LRTM1: variants seen among roughly 807,000 people sequenced by gnomAD.
LRTM1 encodes the protein leucine rich repeat transmembrane protein 1.
A neutral mutation model predicts 32.4 loss-of-function variants in LRTM1; 38 were observed. That is an observed-to-expected ratio of 1.17 (90% confidence interval 0.91 to 1.54). The LOEUF is 1.54. LRTM1 is among the 40% of genes most tolerant of loss of function. LRTM1 has a pLI of 0.00. For synonymous variants in LRTM1, 186 were observed against 169.9 expected (o/e 1.09, Z -0.74); for missense variants, 466 against 415.4 (o/e 1.12, Z -1.06).
At chr3:54,942,213 T>A (rs1449482376) in intron 1 of LRTM1, among the ~76,000 whole-genome samples, 1 of 152,172 alleles carries the variant, frequency 6.6e-6, no homozygotes, top group Non-Finnish European at 1.5e-5. Flanking sequence ...GGTGTGTCAG[T>A]GCTTTTAACG....
chr3:54,921,408 TTAGTG>T (rs1383492997), intron 2 of LRTM1, among the ~76,000 whole-genome samples: 1 of 152,134 alleles, frequency 6.6e-6, no homozygotes, highest in Non-Finnish European at 1.5e-5. Flanking sequence ...GAGTAAATGT[TTAGTG>T]AAGTGAAGAT....
intron 1 of LRTM1, 23 bp downstream of exon 1, chr3:54,927,882 A>G (rs749922105): frequency 6.2e-7 from 1 of 1,613,498 alleles, no homozygotes; most frequent in South Asian, 1.1e-5. Context: ...GAACTTTTCC[A>G]ACGGGAATTG....
intron 1 of LRTM1, among the ~76,000 whole-genome samples, chr3:54,952,371 C>T (rs1387215314): frequency 6.6e-6 from 1 of 152,114 alleles, no homozygotes; most frequent in Non-Finnish European, 1.5e-5. Context: ...CAGAGGGAGG[C>T]CGCAAACATG....
chr3:54,937,966 TA>T (rs942303697), intron 1 of LRTM1, among the ~76,000 whole-genome samples: 1 of 152,186 alleles, frequency 6.6e-6, no homozygotes, highest in Non-Finnish European at 1.5e-5. Context: ...CATCTGACCA[TA>T]ACCAGAGAAA....
chr3:54,949,917 G>T (rs111993202), intron 1 of LRTM1, among the ~76,000 whole-genome samples: 4 of 152,174 alleles, frequency 2.6e-5, no homozygotes, highest in Admixed American at 2.6e-4. Context: ...TAGTCTACCT[G>T]AGGGCCACCC....
intron 1 of LRTM1, among the ~76,000 whole-genome samples, chr3:54,938,867 C>A (rs1433308559): frequency 1.3e-5 from 2 of 152,052 alleles, no homozygotes; most frequent in Non-Finnish European, 2.9e-5. Context: ...TGTGGACAAT[C>A]CCCATTAGTG....
intron 1 of LRTM1, among the ~76,000 whole-genome samples, chr3:54,940,982 A>T (rs1432539104): frequency 6.6e-6 from 1 of 152,218 alleles, no homozygotes; most frequent in Non-Finnish European, 1.5e-5. Flanking sequence ...ATTATTTCAT[A>T]GATTTAAAAC....
chr3:54,944,396 G>A (rs1172741806), intron 1 of LRTM1, among the ~76,000 whole-genome samples: 3 of 148,634 alleles, frequency 2.0e-5, no homozygotes, highest in African/African-American at 5.0e-5. Context: ...ATTTCCCAGG[G>A]TATTTATTTA....
At chr3:54,960,117 G>T (rs1701996243) in intron 1 of LRTM1, among the ~76,000 whole-genome samples, 1 of 151,364 alleles carries the variant, frequency 6.6e-6, no homozygotes, top group Admixed American at 6.6e-5. Context: ...AAAGAAATGT[G>T]TGGCCAAATG....
chr3:54,943,393 TC>T (rs1488295498), intron 1 of LRTM1, among the ~76,000 whole-genome samples: 5 of 152,166 alleles, frequency 3.3e-5, no homozygotes, highest in Non-Finnish European at 5.9e-5. Flanking sequence ...TGTATTTACT[TC>T]CTTTAATACA....
At chr3:54,949,174 C>T (rs1378352242) in intron 1 of LRTM1, among the ~76,000 whole-genome samples, 1 of 152,176 alleles carries the variant, frequency 6.6e-6, no homozygotes, top group African/African-American at 2.4e-5. Flanking sequence ...GGCTTGTTCT[C>T]CTTGATATAG....
chr3:54,948,183 G>C (rs1469992189), intron 1 of LRTM1, among the ~76,000 whole-genome samples: 3 of 152,078 alleles, frequency 2.0e-5, no homozygotes, highest in African/African-American at 4.8e-5. Flanking sequence ...CTTTCCCCTG[G>C]TTGTCTTGAC....
In LRTM1 at chr3:54,951,035, A is replaced by G. The variant is rs562758038; in HGVS notation, c.-222+15893T>C. 1.6e-3 allele frequency among the ~76,000 whole-genome samples: 251 copies of G among 152,344 alleles called. 1 individual carries two copies. The highest frequency in any genetic ancestry group is 2.9e-3 in the Non-Finnish European group (196 of 68,024). The stretch of plus-strand genomic sequence containing the variant: ...GTAATATTCCCTTTACTATCTCCAA[A>G]TGAAATTCATAGAAAATGTAACTTG... On this transcript the variant is annotated intron_variant, in intron 1 of 2. Coordinates refer to the LRTM1 transcript ENST00000493075.
chr3:54,923,396 C>T (rs1358004866), intron 2 of LRTM1, among the ~76,000 whole-genome samples: 4 of 152,140 alleles, frequency 2.6e-5, no homozygotes, highest in Non-Finnish European at 5.9e-5. Context: ...TCTCATGGCT[C>T]ATTCCTCCTC....
upstream of LRTM1, among the ~76,000 whole-genome samples, chr3:54,931,434 T>C (rs538674553): frequency 6.6e-5 from 10 of 152,316 alleles, no homozygotes; most frequent in South Asian, 2.1e-4. Context: ...TGCATGCTAA[T>C]GCTAGGCAGT....
At chr3:54,951,312 G>C (rs752491836) in intron 1 of LRTM1, among the ~76,000 whole-genome samples, 15 of 152,212 alleles carry the variant, frequency 9.9e-5, no homozygotes, top group Non-Finnish European at 1.8e-4. Flanking sequence ...CCGCAGACAA[G>C]ATAAAGAAGA....
chr3:54,924,735 CG>C lies in LRTM1; in HGVS notation c.487del (p.Arg163GlufsTer10). The C allele has an allele frequency of 6.2e-7, 1 of 1,614,092 alleles. No individual in the cohort carries two copies. The stretch of plus-strand genomic sequence containing the variant: ...ACTGGGCATGGATTCCAGGAGCGCT[CG>C]ATCAAGCTGCTGAAGCTGGTTTTGT... The part of the protein sequence containing the change: ...VQQNQLQQLD[R>X]ALLESMPSVR... On this transcript the variant is annotated frameshift_variant, in exon 2 of 3. Coordinates refer to ENST00000273286, the MANE Select transcript of LRTM1 (RefSeq NM_020678.4). LOFTEE classifies it high-confidence loss of function.
intron 2 of LRTM1, 147 bp from the exon 3 acceptor site, chr3:54,919,039 AT>A: frequency 3.0e-6 from 2 of 656,700 alleles, no homozygotes; most frequent in Non-Finnish European, 4.7e-6. Flanking sequence ...TAACAACCAT[AT>A]TTTATGATTT....
At chr3:54,955,204 A>T (rs547445260) in intron 1 of LRTM1, among the ~76,000 whole-genome samples, 20 of 152,266 alleles carry the variant, frequency 1.3e-4, no homozygotes, top group Admixed American at 5.9e-4. Context: ...GACAGGGGAG[A>T]TGGGGACCCA....
Sources: gnomAD v4.1 joint callset for allele counts (sites outside exome capture counted in the v4.1 genomes callset) on GRCh38, gnomAD v4.1.1 for gene constraint, MANE v1.5 for transcripts, NCBI Gene and HGNC (gene_info 2026-07-23, HGNC 2026-07-21) for gene names.